LINGO2: variants seen among roughly 807,000 people sequenced by gnomAD.
The protein encoded by LINGO2 is leucine rich repeat and Ig domain containing 2, also known as leucine-rich repeat and immunoglobulin-like domain-containing nogo receptor-interacting protein 2.
A neutral mutation model predicts 30.6 loss-of-function variants in LINGO2; 14 were observed. The ratio of observed to expected loss-of-function variants is 0.46; its 90% confidence interval spans 0.30 to 0.72. LINGO2 has a LOEUF of 0.72. LINGO2 is among the 30% of genes least tolerant of loss of function. LINGO2 has a pLI of 0.07. For missense variants in LINGO2, 729 were observed against 751.7 expected, an observed-to-expected ratio of 0.97 and a Z score of 0.35; for synonymous variants, 317 against 288.5, an observed-to-expected ratio of 1.10 and a Z score of -1.00.
the LINGO2 span, among the ~76,000 whole-genome samples, chr9:29,113,913 A>G: frequency 1.3e-5 from 2 of 152,220 alleles, no homozygotes; most frequent in Non-Finnish European, 1.5e-5. Flanking sequence ...AAGAACAATA[A>G]CATCTGCTTA....
intron 3 of LINGO2, among the ~76,000 whole-genome samples, chr9:28,325,803 C>G (rs1220077564): frequency 6.6e-6 from 1 of 152,062 alleles, no homozygotes; most frequent in Non-Finnish European, 1.5e-5. Context: ...AATACATGGT[C>G]TAATCACATT....
intron 4 of LINGO2, among the ~76,000 whole-genome samples, chr9:28,226,281 T>C (rs1224556155): frequency 6.6e-6 from 1 of 152,152 alleles, no homozygotes; most frequent in African/African-American, 2.4e-5. Flanking sequence ...ATCTCTAGCC[T>C]ATCTGAAGTG....
chr9:27,989,504 C>G (rs797015637), intron 5 of LINGO2, among the ~76,000 whole-genome samples: 1 of 150,904 alleles, frequency 6.6e-6, no homozygotes, highest in South Asian at 2.1e-4. Flanking sequence ...CAGAAAATAT[C>G]GAACTATAGA....
chr9:28,975,568 C>T, the LINGO2 span, among the ~76,000 whole-genome samples: 1 of 152,162 alleles, frequency 6.6e-6, no homozygotes, highest in Non-Finnish European at 1.5e-5. Context: ...CCATGTTATG[C>T]AAAATTATCT....
chr9:28,297,344 T>A (rs1823961365), intron 3 of LINGO2, among the ~76,000 whole-genome samples: 1 of 152,196 alleles, frequency 6.6e-6, no homozygotes, highest in Non-Finnish European at 1.5e-5. Context: ...CCACTAACTT[T>A]TGTTCATTTA....
At chr9:28,620,943 T>C (rs1007631217) in intron 1 of LINGO2, among the ~76,000 whole-genome samples, 3 of 152,032 alleles carry the variant, frequency 2.0e-5, no homozygotes, top group Admixed American at 6.6e-5. Flanking sequence ...AGTTTACCTG[T>C]GTAACAAGCC....
At chr9:28,254,841 G>C (rs1241291882) in intron 4 of LINGO2, among the ~76,000 whole-genome samples, 1 of 152,080 alleles carries the variant, frequency 6.6e-6, no homozygotes, top group East Asian at 1.9e-4. Context: ...ATGGGGGTTT[G>C]TTGTACAGAT....
chr9:28,455,456 A>G (rs1824808386), intron 2 of LINGO2, among the ~76,000 whole-genome samples: 1 of 152,006 alleles, frequency 6.6e-6, no homozygotes, highest in South Asian at 2.1e-4. Flanking sequence ...ATGAGGACAA[A>G]TCTACCCTTT....
intron 1 of LINGO2, among the ~76,000 whole-genome samples, chr9:28,561,772 T>TAC (rs1823093553): frequency 7.4e-6 from 1 of 134,826 alleles, no homozygotes; most frequent in African/African-American, 2.8e-5. Flanking sequence ...TATATATATA[T>TAC]ATATATATAA....
chr9:28,769,479 TA>T, the LINGO2 span, among the ~76,000 whole-genome samples: 1 of 1,076 alleles, frequency 9.3e-4, no homozygotes, highest in Non-Finnish European at 3.4e-3. Context: ...TATATATATA[TA>T]TATATATATA....
chr9:28,768,613 G>GACACACACAC, the LINGO2 span, among the ~76,000 whole-genome samples: 139 of 144,510 alleles, frequency 9.6e-4, 2 homozygotes, highest in East Asian at 0.012. Flanking sequence ...GACAGACTGG[G>GACACACACAC]ACACACACAC....
chr9:28,174,921 T>TGAGA (rs71502440), intron 4 of LINGO2, among the ~76,000 whole-genome samples: 13 of 133,418 alleles, frequency 9.7e-5, no homozygotes, highest in African/African-American at 3.1e-4. Context: ...TGTGTGTGTG[T>TGAGA]GAGAGAGAGA....
chr9:28,799,297 T>C, the LINGO2 span, among the ~76,000 whole-genome samples: 3 of 152,042 alleles, frequency 2.0e-5, no homozygotes, highest in East Asian at 3.9e-4. Context: ...TATAGTCTAA[T>C]GATATAAAAT....
intron 2 of LINGO2, among the ~76,000 whole-genome samples, chr9:28,375,274 C>G (rs141573790): frequency 0.012 from 1,889 of 152,274 alleles, 27 homozygotes; most frequent in Non-Finnish European, 0.021. Flanking sequence ...GGGGTAGATG[C>G]TGGGTCTCAA....
chr9:29,021,432 C>A, the LINGO2 span, among the ~76,000 whole-genome samples: 4 of 151,952 alleles, frequency 2.6e-5, no homozygotes, highest in African/African-American at 9.7e-5. Flanking sequence ...GCGATGCGGG[C>A]GGATCATGAG....
At chr9:29,137,867 T>C in the LINGO2 span, among the ~76,000 whole-genome samples, 1 of 152,074 alleles carries the variant, frequency 6.6e-6, no homozygotes. Flanking sequence ...ACTATCTGCA[T>C]CTCAATTTTC....
intron 5 of LINGO2, among the ~76,000 whole-genome samples, chr9:27,981,571 A>AAAAAAAAAAAG (rs1820876000): frequency 2.7e-5 from 2 of 74,234 alleles, no homozygotes; most frequent in African/African-American, 3.7e-5. Flanking sequence ...AAAAAAAAAG[A>AAAAAAAAAAAG]AAAAAAAAAG....
chr9:28,678,201 C>A, the LINGO2 span, among the ~76,000 whole-genome samples: 1 of 151,206 alleles, frequency 6.6e-6, no homozygotes, highest in Admixed American at 6.6e-5. Context: ...CTGGCCTGAT[C>A]TGTCACAGTC....
At chr9:28,122,565 C>T (rs1827127094) in intron 4 of LINGO2, among the ~76,000 whole-genome samples, 1 of 152,100 alleles carries the variant, frequency 6.6e-6, no homozygotes, top group African/African-American at 2.4e-5. Flanking sequence ...GTTTCCTAAA[C>T]CCTTATTTTT....
Sources: gnomAD v4.1 joint callset for allele counts (sites outside exome capture counted in the v4.1 genomes callset) on GRCh38, gnomAD v4.1.1 for gene constraint, MANE v1.5 for transcripts, NCBI Gene and HGNC (gene_info 2026-07-23, HGNC 2026-07-21) for gene names.